The following IGDCC3 variants were observed in gnomAD, a reference collection of about 807,000 sequenced individuals.
IGDCC3 encodes immunoglobulin superfamily DCC subclass member 3.
A neutral mutation model predicts 72.0 loss-of-function variants in IGDCC3; 47 were observed. The ratio of observed to expected loss-of-function variants is 0.65; its 90% CI spans 0.52 to 0.83. The LOEUF (loss-of-function observed/expected upper bound fraction) is 0.83, where lower values mean the gene tolerates loss of function less well. Ranked by LOEUF, IGDCC3 falls within the 40% of genes least tolerant of loss-of-function variation. The pLI, the probability that IGDCC3 is intolerant of heterozygous loss-of-function variation, is 0.00. For missense variants in IGDCC3, 1,038 were observed against 1,091.3 expected (o/e 0.95, Z 0.69); for synonymous variants, 477 against 472.8 (o/e 1.01, Z -0.11).
intron 2 of IGDCC3, among the ~76,000 whole-genome samples, chr15:65,348,036 C>T (rs1488047835): frequency 6.6e-6 from 1 of 152,166 alleles, no homozygotes; most frequent in Non-Finnish European, 1.5e-5. Flanking sequence ...CCAAAATGGA[C>T]ACGAGAGTGA....
intron 2 of IGDCC3, among the ~76,000 whole-genome samples, chr15:65,370,793 T>C (rs2091321567): frequency 6.6e-6 from 1 of 152,006 alleles, no homozygotes; most frequent in Non-Finnish European, 1.5e-5. Context: ...ATGTTATTTA[T>C]TTATTTATTT....
chr15:65,355,793 T>A (rs975301576), intron 2 of IGDCC3: 1 of 453,330 alleles, frequency 2.2e-6, no homozygotes. Flanking sequence ...AGACAGCCAT[T>A]GTCCTCGCAC....
chr15:65,329,152 G>C lies in IGDCC3; in HGVS notation c.2206-4C>G. The C allele has an allele frequency of 6.2e-7, 1 of 1,601,530 alleles. No homozygotes were observed. Among genetic ancestry groups the C allele is most frequent in the Non-Finnish European group, 8.5e-7 (1 of 1,175,116 alleles). On this transcript the variant is annotated splice_polypyrimidine_tract_variant and splice_region_variant and intron_variant, in intron 13 of 13. Transcript: ENST00000327987. This position sits in a 1 kb window ranked among gnomAD's most constrained non-coding sequence, Gnocchi z 4.1. ...GAGCGGGGGCTGCAGGATCCTGCTG[G>C]GGAAAGAGCCCGTCACACAGGCGTC...
At chr15:65,331,325 G>A (rs974200576) in intron 8 of IGDCC3, 87 bp downstream of exon 8, 2 of 1,563,180 alleles carry the variant, frequency 1.3e-6, no homozygotes, top group African/African-American at 2.7e-5. Flanking sequence ...GAGAAGGAAA[G>A]GGAGGCATCG....
At chr15:65,343,373 A>G (rs976534249) in intron 2 of IGDCC3, among the ~76,000 whole-genome samples, 5 of 151,268 alleles carry the variant, frequency 3.3e-5, no homozygotes, top group Admixed American at 2.0e-4. Context: ...AGAAGGGAGT[A>G]AAAACTGAAT....
At chr15:65,335,574 C>G (rs764833003) in intron 3 of IGDCC3, among the ~76,000 whole-genome samples, 153 bp from the exon 4 acceptor site, 2 of 151,976 alleles carry the variant, frequency 1.3e-5, no homozygotes, top group Non-Finnish European at 2.9e-5. Context: ...GGTGGACACA[C>G]CCTCAATTCC....
In IGDCC3 at chr15:65,331,934, C is replaced by A; in HGVS notation, c.1148+7G>T. ...GGTCCTCACCCCAGCACACACCACACACATACCTGTTGTTATTCTTGAGCC... is the reference window on the plus strand; with the variant it reads ...GGTCCTCACCCCAGCACACACCACAAACATACCTGTTGTTATTCTTGAGCC... On this transcript the variant is annotated splice_region_variant and intron_variant, in intron 7 of 13. Transcript: ENST00000327987. The A allele has an allele frequency of 6.2e-7, 1 of 1,612,186 alleles. No homozygotes were observed. The highest frequency in any genetic ancestry group is 8.5e-7 in the Non-Finnish European group (1 of 1,179,654).
intron 6 of IGDCC3, 23 bp from the exon 7 acceptor site, chr15:65,332,129 G>T (rs780675970): frequency 1.6e-5 from 26 of 1,605,932 alleles, no homozygotes; most frequent in Non-Finnish European, 2.1e-5. Flanking sequence ...TCAGGAGGGT[G>T]GGGGCGCAGA....
rs2090976839 is a variant in IGDCC3, at chr15:65,331,417, G to C, written c.1391C>G (p.Ala464Gly). 6.2e-7 allele frequency: 1 copy of C among 1,602,500 alleles called. No individual in the cohort carries two copies. The highest frequency in any genetic ancestry group is 1.7e-5 in the Admixed American group (1 of 59,372). The part of the protein sequence containing the change: ...IIGYVLHIRK[A>G]ADPPELEYQE... ...ACAGAGCTGGCCACGCGCACCAGCA[G>C]CCTTCCTGATGTGCAGGACGTAGCC... The change falls in exon 8 of 14, where the codon GCT (alanine) becomes GGT (glycine). Residue 464 changes from alanine (A) to glycine (G), a missense_variant. Physicochemically the swap from Ala to Gly is moderately conservative, Grantham distance 60 (BLOSUM62 0). Transcript: ENST00000327987.
Position 65,328,954 on chromosome 15 carries a change from C to A in IGDCC3, c.2400G>T (p.Arg800Ser). 1 of 1,582,366 alleles carries A rather than the reference C, an allele frequency of 6.3e-7. No individual in the cohort carries two copies. The highest frequency in any genetic ancestry group is 8.6e-7 in the Non-Finnish European group (1 of 1,166,960). ...PGLLSEGQAS[R>S]PAAARVTQPA... ...GCTGGGTAACCCGGGCCGCTGCAGGCCTGGAAGCCTGGCCTTCACTGAGGA... is the reference window on the plus strand; with the variant it reads ...GCTGGGTAACCCGGGCCGCTGCAGGACTGGAAGCCTGGCCTTCACTGAGGA... Residue 800 changes from arginine (R) to serine (S), a missense_variant, in exon 14 of 14, where the codon AGG becomes AGT. Transcript: ENST00000327987.
intron 6 of IGDCC3, among the ~76,000 whole-genome samples, chr15:65,332,807 G>A (rs1013890475): frequency 6.6e-6 from 1 of 152,194 alleles, no homozygotes; most frequent in Non-Finnish European, 1.5e-5. Context: ...CCACGGGAGG[G>A]GAGGCAGCTC....
intron 2 of IGDCC3, among the ~76,000 whole-genome samples, chr15:65,367,443 G>A (rs2091294801): frequency 6.6e-6 from 1 of 151,418 alleles, no homozygotes; most frequent in African/African-American, 2.4e-5. Context: ...CGAGTTAATG[G>A]GTGCAGCACA....
At chr15:65,368,848 G>C (rs887547920) in intron 2 of IGDCC3, among the ~76,000 whole-genome samples, 20 of 152,222 alleles carry the variant, frequency 1.3e-4, no homozygotes, top group African/African-American at 4.6e-4. Context: ...CAATTACAAG[G>C]GGGGTGGGGT....
intron 2 of IGDCC3, 23 bp from the exon 3 acceptor site, chr15:65,335,979 G>A (rs2091025966): frequency 6.2e-7 from 1 of 1,613,562 alleles, no homozygotes; most frequent in South Asian, 1.1e-5. Context: ...AAGTGTATGA[G>A]TGCAGTGCGC....
At chr15:65,353,203 T>C (rs1595759618) in intron 2 of IGDCC3, among the ~76,000 whole-genome samples, 1 of 150,074 alleles carries the variant, frequency 6.7e-6, no homozygotes, top group South Asian at 2.1e-4. Flanking sequence ...TTTTTTTTTT[T>C]CCTTCCTTCC....
At chr15:65,337,509 G>A (rs1281468683) in intron 2 of IGDCC3, among the ~76,000 whole-genome samples, 1 of 152,202 alleles carries the variant, frequency 6.6e-6, no homozygotes, top group Non-Finnish European at 1.5e-5. Context: ...GGGCCCTGGG[G>A]GTGGGAGGTG....
At chr15:65,346,748 C>G (rs2091128312) in intron 2 of IGDCC3, among the ~76,000 whole-genome samples, 2 of 152,008 alleles carry the variant, frequency 1.3e-5, no homozygotes, top group Admixed American at 1.3e-4. Context: ...CGTGAGTCAT[C>G]ATGCCCGGCC....
rs1336310544 is a variant in IGDCC3, at chr15:65,377,878, G to C, written c.-90C>G. ...CCGCGGGGCCGGCGCCGGGGCCGGG[G>C]CTGGGGCTCCGGCCGGGGCCGAGCC... On this transcript the variant is annotated 5_prime_UTR_variant, in exon 1 of 14. Coordinates refer to ENST00000327987, the MANE Select transcript of IGDCC3 (RefSeq NM_004884.4). This position sits in a 1 kb window ranked among gnomAD's most constrained non-coding sequence, Gnocchi z 4.9. 9 of 1,039,384 alleles carry C rather than the reference G, an allele frequency of 8.7e-6. No homozygotes were observed. The South Asian group carries it at 2.7e-4, about 31-fold the overall frequency. 64.4% of individuals were successfully genotyped at this position (1,039,384 alleles called of 1,614,324 possible).
chr15:65,374,331 T>C (rs759074671), intron 2 of IGDCC3, among the ~76,000 whole-genome samples: 31 of 152,154 alleles, frequency 2.0e-4, no homozygotes, highest in African/African-American at 1.2e-4. Context: ...ATGGAGAATT[T>C]TGGTTTATGC....
Sources: allele counts gnomAD v4.1 joint callset (sites outside exome capture counted in the v4.1 genomes callset), GRCh38; gene constraint gnomAD v4.1.1; non-coding constraint Gnocchi (gnomAD v3.1); transcripts MANE v1.5; gene names NCBI Gene and HGNC (gene_info 2026-07-23, HGNC 2026-07-21).